UGT3A1: variants seen among roughly 807,000 people sequenced by gnomAD.
UGT3A1 encodes UDP glycosyltransferase family 3 member A1.
Under a neutral mutation model 37.6 loss-of-function variants are expected in UGT3A1, and 40 were observed. That is an observed-to-expected ratio of 1.06 (90% CI 0.83 to 1.38). The LOEUF (loss-of-function observed/expected upper bound fraction) is 1.38, where lower values mean the gene tolerates loss of function less well. UGT3A1 is among the 40% of genes most tolerant of loss of function. UGT3A1 has a pLI of 0.00. For synonymous variants in UGT3A1, 256 were observed against 232.3 expected (o/e 1.10, Z -0.93); for missense variants, 642 against 634.2 (o/e 1.01, Z -0.13).
intron 4 of UGT3A1, among the ~76,000 whole-genome samples, chr5:35,963,419 A>C (rs968094619): frequency 6.6e-6 from 1 of 151,966 alleles, no homozygotes; most frequent in Non-Finnish European, 1.5e-5. Context: ...TCTTGTTTAG[A>C]TTGTCTCAAA....
rs140241227 is a variant in UGT3A1, at chr5:35,986,354, G to A, written c.196+2096C>T. Among the ~76,000 whole-genome samples, 647 of 151,902 alleles carry A rather than the reference G, an allele frequency of 4.3e-3. 5 individuals carry two copies. Among genetic ancestry groups the A allele is most frequent in the Middle Eastern group, 0.027 (8 of 294 alleles). On this transcript the variant is annotated intron_variant, in intron 2 of 6. Coordinates refer to ENST00000274278, the MANE Select transcript of UGT3A1 (RefSeq NM_152404.4). ...CCAAAAGAAAAAAAGTCAATATATCGAAGAGATAGCTTCATTCCCATGTTT... is the reference window on the plus strand; with the variant it reads ...CCAAAAGAAAAAAAGTCAATATATCAAAGAGATAGCTTCATTCCCATGTTT...
At chr5:35,986,842 A>G (rs1410707998) in intron 2 of UGT3A1, among the ~76,000 whole-genome samples, 1 of 152,164 alleles carries the variant, frequency 6.6e-6, no homozygotes, top group Non-Finnish European at 1.5e-5. Flanking sequence ...TGTTTCTAGA[A>G]TAAAGAAAAA....
Position 35,957,791 on chromosome 5 carries a change from C to T in UGT3A1, c.844-372G>A, listed in dbSNP as rs993900706. ...GAGATTTATATTGTAGCCTAACATA[C>T]GGACTATCTTGGGGAATATTCTGTG... On this transcript the variant is annotated intron_variant, in intron 4 of 6. Coordinates refer to ENST00000274278, the MANE Select transcript of UGT3A1 (RefSeq NM_152404.4). Among the ~76,000 whole-genome samples the T allele has an allele frequency of 1.2e-4, 18 of 152,118 alleles. 1 individual carries two copies. The highest frequency in any genetic ancestry group is 5.9e-4 in the Admixed American group (9 of 15,266).
At chr5:35,984,843 G>A (rs62352022) in intron 2 of UGT3A1, among the ~76,000 whole-genome samples, 77,740 of 151,690 alleles carry the variant, frequency 0.51, 22,722 homozygotes, top group Non-Finnish European at 0.66. Flanking sequence ...CCCTGACAGC[G>A]TAGGCACTCA....
chr5:35,973,307 A>C (rs1740126393), intron 2 of UGT3A1, among the ~76,000 whole-genome samples: 1 of 152,190 alleles, frequency 6.6e-6, no homozygotes, highest in African/African-American at 2.4e-5. Context: ...GGTTCACTAT[A>C]CACCAAAAGA....
At chr5:35,966,183 A>G (rs1039655842) in intron 3 of UGT3A1, among the ~76,000 whole-genome samples, 1 of 152,020 alleles carries the variant, frequency 6.6e-6, no homozygotes, top group South Asian at 2.1e-4. Context: ...TCAACGTCCT[A>G]CTCTGGGAGC....
At chr5:35,964,321 A>G (rs1007967598) in intron 4 of UGT3A1, among the ~76,000 whole-genome samples, 1 of 152,048 alleles carries the variant, frequency 6.6e-6, no homozygotes, top group Non-Finnish European at 1.5e-5. Context: ...TGAATCTTCT[A>G]CTACACTAAT....
intron 4 of UGT3A1, chr5:35,961,374 G>A (rs73076127): frequency 0.14 from 21,836 of 152,322 alleles, 1,646 homozygotes; most frequent in African/African-American, 0.19. Flanking sequence ...GAGTTTGATG[G>A]CCTCTAAGTG....
intron 3 of UGT3A1, 46 bp downstream of exon 3, chr5:35,967,973 T>C (rs1396318082): frequency 7.0e-7 from 1 of 1,420,906 alleles, no homozygotes; most frequent in South Asian, 1.2e-5. Context: ...TTCATTTGTA[T>C]CACTAAAATA....
At chr5:35,992,905 C>T (rs1371763099), upstream of UGT3A1, among the ~76,000 whole-genome samples, 1 of 152,146 alleles carries the variant, frequency 6.6e-6, no homozygotes, top group Non-Finnish European at 1.5e-5. Context: ...AAACCTGCGT[C>T]TCCCTTTTGG....
At chr5:35,985,954 T>C (rs1740712840) in intron 2 of UGT3A1, among the ~76,000 whole-genome samples, 1 of 152,126 alleles carries the variant, frequency 6.6e-6, no homozygotes, top group Non-Finnish European at 1.5e-5. Flanking sequence ...TGCAAACTAT[T>C]CTTTTCACAA....
chr5:35,957,101 T>C (rs1399155371), intron 5 of UGT3A1, 87 bp downstream of exon 5: 4 of 1,142,720 alleles, frequency 3.5e-6, no homozygotes, highest in Non-Finnish European at 5.2e-6. Context: ...CGTAGGCTGA[T>C]ACAAATGCCC....
intron 2 of UGT3A1, among the ~76,000 whole-genome samples, chr5:35,976,257 T>C (rs545708646): frequency 1.3e-5 from 2 of 152,310 alleles, no homozygotes; most frequent in East Asian, 3.9e-4. Flanking sequence ...TTGGTGATCC[T>C]GATTATGAAG....
In UGT3A1 at chr5:35,965,892, G is replaced by C; in HGVS notation, c.337C>G (p.Leu113Val). The C allele has an allele frequency of 2.5e-6, 4 of 1,569,912 alleles. No homozygotes were observed. The Middle Eastern group carries it at 5.1e-4, about 202-fold the overall frequency. The change falls in exon 4 of 7, where the codon CTA (leucine) becomes GTA (valine). Residue 113 changes from leucine to valine, a missense_variant. Transcript: ENST00000274278. ...CATTGAGTCCCAAATATTTCCATTA[G>C]CTTTACAAGGGCTTCAGATTCTTTT... Reference protein sequence around the residue: ...GRKESEALVKLMEIFGTQCSY... With the variant: ...GRKESEALVKVMEIFGTQCSY...
intron 2 of UGT3A1, among the ~76,000 whole-genome samples, chr5:35,980,757 G>T (rs1028611561): frequency 2.0e-5 from 3 of 152,118 alleles, no homozygotes; most frequent in Non-Finnish European, 4.4e-5. Flanking sequence ...ATATTCAGAA[G>T]AAAGACAATT....
chr5:35,977,701 T>C (rs1401898414), intron 2 of UGT3A1, among the ~76,000 whole-genome samples: 1 of 152,246 alleles, frequency 6.6e-6, no homozygotes, highest in African/African-American at 2.4e-5. Flanking sequence ...ACCTCTTTTC[T>C]TTATAAATTA....
intron 4 of UGT3A1, chr5:35,962,378 G>T (rs1322027696): frequency 6.5e-6 from 1 of 153,524 alleles, no homozygotes; most frequent in Non-Finnish European, 1.4e-5. Context: ...GGAAGAGGAG[G>T]AGTGAGACTG....
At chr5:35,974,870 A>G (rs781347269) in intron 2 of UGT3A1, among the ~76,000 whole-genome samples, 1 of 152,144 alleles carries the variant, frequency 6.6e-6, no homozygotes, top group African/African-American at 2.4e-5. Context: ...ACTTATTCAC[A>G]TTTCTCTTCC....
chr5:35,996,438 C>T (rs539064108), intron 2 of UGT3A1, among the ~76,000 whole-genome samples: 1 of 152,136 alleles, frequency 6.6e-6, no homozygotes, highest in Admixed American at 6.5e-5. Context: ...AAATAATTAA[C>T]ATGTTGGGTG....
Sources: gnomAD v4.1 joint callset for allele counts (sites outside exome capture counted in the v4.1 genomes callset) on GRCh38, gnomAD v4.1.1 for gene constraint, MANE v1.5 for transcripts, NCBI Gene and HGNC (gene_info 2026-07-23, HGNC 2026-07-21) for gene names.